SPAG16: variants seen among roughly 807,000 people sequenced by gnomAD.
SPAG16 encodes the protein sperm associated antigen 16, also known as sperm-associated antigen 16 protein.
Under a neutral mutation model 80.4 loss-of-function variants are expected in SPAG16, and 86 were observed. The observed-to-expected ratio is 1.07, with a 90% CI of 0.90 to 1.28. SPAG16 has a LOEUF of 1.28. Ranked by LOEUF, SPAG16 falls within the 50% of genes most tolerant of loss-of-function variation. SPAG16 has a pLI of 0.00. For synonymous variants in SPAG16, 294 were observed against 265.9 expected, an observed-to-expected ratio of 1.11 and a Z score of -1.03; for missense variants, 870 against 765.3, an observed-to-expected ratio of 1.14 and a Z score of -1.61.
Position 214,126,035 on chromosome 2 carries a change from CTTCCTTCCTTCCTTCCTTCCTTCCTT to C in SPAG16, c.1593+17777_1593+17802del, listed in dbSNP as rs1559822982. Among the ~76,000 whole-genome samples the C allele has an allele frequency of 8.8e-3, 97 of 11,030 alleles. 3 individuals are homozygous for C. The highest frequency in any genetic ancestry group is 0.03 in the African/African-American group (87 of 2,928). The allele number at this position is 11,030 out of a possible 152,430, so 7.2% of individuals were successfully genotyped here. ...CCTTCCTTCCTTCCTTCCTTCCTTCCTTCCTTCCTTCCTTCCTTCCTTCCTTTTTTTTTTTTTTTTTTTTTTTGGCG... is the reference window on the plus strand; with the variant it reads ...CCTTCCTTCCTTCCTTCCTTCCTTCCTTTTTTTTTTTTTTTTTTTTTGGCG... On this transcript the variant is annotated intron_variant, in intron 14 of 15. Transcript: ENST00000331683.
chr2:213,443,096 A>G (rs916783466), intron 9 of SPAG16, among the ~76,000 whole-genome samples: 3 of 152,198 alleles, frequency 2.0e-5, no homozygotes, highest in Non-Finnish European at 2.9e-5. Context: ...TATATTATGC[A>G]TAGTAAAATG....
At chr2:213,502,126 T>C (rs760422602) in intron 10 of SPAG16, among the ~76,000 whole-genome samples, 1 of 152,130 alleles carries the variant, frequency 6.6e-6, no homozygotes, top group Non-Finnish European at 1.5e-5. Context: ...ATCTTTGTTG[T>C]TGTTGCTGTT....
intron 10 of SPAG16, among the ~76,000 whole-genome samples, chr2:213,634,076 T>G (rs909539431): frequency 2.0e-5 from 3 of 152,062 alleles, no homozygotes; most frequent in Non-Finnish European, 4.4e-5. Flanking sequence ...TATTTGTTTT[T>G]GGGTTGTTTT....
chr2:213,373,969 G>T (rs1277451694), intron 8 of SPAG16, among the ~76,000 whole-genome samples: 1 of 152,186 alleles, frequency 6.6e-6, no homozygotes. Context: ...TCAACAAGCT[G>T]TAATTGTTGC....
chr2:213,776,413 C>G lies in SPAG16; in HGVS notation c.1071-86072C>G, dbSNP rs182975375. On this transcript the variant is annotated intron_variant, in intron 10 of 15. Transcript: ENST00000331683. ...GAAATGGATTCTCCACCAGAGCACT[C>G]AGAAAAACATGAAGCTCTTCTGGGT... 9.6e-4 allele frequency among the ~76,000 whole-genome samples: 146 copies of G among 152,256 alleles called. 1 individual carries two copies. The highest frequency in any genetic ancestry group is 3.4e-3 in the African/African-American group (140 of 41,556).
chr2:213,859,439 G>T (rs1418216641), intron 10 of SPAG16, among the ~76,000 whole-genome samples: 2 of 151,906 alleles, frequency 1.3e-5, no homozygotes, highest in Non-Finnish European at 2.9e-5. Context: ...TAACACTATT[G>T]TGTCTGGTGG....
intron 10 of SPAG16, among the ~76,000 whole-genome samples, chr2:213,492,205 C>T (rs2074267826): frequency 6.6e-6 from 1 of 152,118 alleles, no homozygotes; most frequent in Non-Finnish European, 1.5e-5. Flanking sequence ...TAATATAAAA[C>T]TCAATTTAAA....
At chr2:213,492,538 A>G (rs1470468568) in intron 10 of SPAG16, among the ~76,000 whole-genome samples, 4 of 151,996 alleles carry the variant, frequency 2.6e-5, no homozygotes, top group Non-Finnish European at 4.4e-5. Context: ...CGACAGAGCG[A>G]GACTCTGTCT....
rs187561135 is a variant in SPAG16, at chr2:213,668,949, G to A, written c.1070+178859G>A. 2.0e-5 allele frequency among the ~76,000 whole-genome samples: 3 copies of A among 152,192 alleles called. No individual in the cohort carries two copies. In the East Asian group the frequency reaches 5.8e-4, roughly 29 times the overall value. ...AGGCATGAGCCACTGCGCCCGGCCTGAGAAATATAATAGTATTTCTAAGAA... is the reference window on the plus strand; with the variant it reads ...AGGCATGAGCCACTGCGCCCGGCCTAAGAAATATAATAGTATTTCTAAGAA... On this transcript the variant is annotated intron_variant, in intron 10 of 15. Coordinates refer to ENST00000331683, the MANE Select transcript of SPAG16 (RefSeq NM_024532.5).
rs1184946360 is a variant in SPAG16 at position 213,387,676 on chromosome 2, G to A, written c.942+12557G>A. ...TCACCATTTTGGCCGGGATGGTCTC[G>A]ATCTCCTGACCTCGTGATCCGCCCG... On this transcript the variant is annotated intron_variant, in intron 9 of 15. Transcript: ENST00000331683. Among the ~76,000 whole-genome samples, 7 of 150,660 alleles carry A rather than the reference G, an allele frequency of 4.6e-5. No homozygotes were observed. The South Asian group carries it at 1.1e-3, about 23-fold the overall frequency.
At chr2:213,557,095 G>GT (rs1452206059) in intron 10 of SPAG16, among the ~76,000 whole-genome samples, 7 of 152,068 alleles carry the variant, frequency 4.6e-5, no homozygotes, top group East Asian at 3.9e-4. Flanking sequence ...TTATTTGTGG[G>GT]TTTTTTTCTC....
chr2:213,467,821 A>G (rs1027734519), intron 9 of SPAG16, among the ~76,000 whole-genome samples: 14 of 152,226 alleles, frequency 9.2e-5, no homozygotes, highest in African/African-American at 3.1e-4. Context: ...GACAGGGTCA[A>G]GGTGGCTTCC....
chr2:214,313,274 C>T lies in SPAG16; in HGVS notation c.1721-96866C>T, dbSNP rs181455037. On this transcript the variant is annotated intron_variant, in intron 15 of 15. Coordinates refer to ENST00000331683, the MANE Select transcript of SPAG16 (RefSeq NM_024532.5). ...ATACTAATTATTCCAACCAATACTA[C>T]TACTATCTACCAAACTATGTGCATT... 1.7e-3 allele frequency among the ~76,000 whole-genome samples: 257 copies of T among 152,244 alleles called. 2 individuals carry two copies. Among genetic ancestry groups the T allele is most frequent in the African/African-American group, 5.6e-3 (231 of 41,580 alleles).
intron 9 of SPAG16, among the ~76,000 whole-genome samples, chr2:213,394,720 C>T (rs1383054854): frequency 6.6e-6 from 1 of 152,092 alleles, no homozygotes; most frequent in African/African-American, 2.4e-5. Context: ...TTGACTGTTA[C>T]ACTTGGCATA....
intron 10 of SPAG16, among the ~76,000 whole-genome samples, chr2:213,659,059 A>G (rs1329806396): frequency 2.0e-5 from 3 of 152,126 alleles, no homozygotes; most frequent in African/African-American, 7.2e-5. Context: ...ACACAACACT[A>G]ATAGCCACTC....
rs10451584 is a variant in SPAG16, at chr2:214,383,969, C to T, written c.1721-26171C>T. 1.6e-3 allele frequency among the ~76,000 whole-genome samples: 250 copies of T among 152,290 alleles called. 1 individual carries two copies. The highest frequency in any genetic ancestry group is 5.3e-3 in the African/African-American group (220 of 41,554). ...ACAACTTTGCCCATCAGCCTGTTAT[C>T]ACTGACATATTACTTTTTTACTCCA... On this transcript the variant is annotated intron_variant, in intron 15 of 15. Transcript: ENST00000331683.
intron 10 of SPAG16, among the ~76,000 whole-genome samples, chr2:213,675,657 A>G (rs139815380): frequency 0.049 from 7,419 of 151,812 alleles, 585 homozygotes; most frequent in African/African-American, 0.17. Flanking sequence ...TTTCCCCAAT[A>G]CTTGTTTTTC....
intron 10 of SPAG16, among the ~76,000 whole-genome samples, chr2:213,590,040 A>G (rs1379909940): frequency 2.0e-5 from 3 of 152,264 alleles, no homozygotes; most frequent in South Asian, 4.1e-4. Flanking sequence ...AGTTTGCATA[A>G]TTATGACTGT....
chr2:214,372,735 G>A (rs1332879664), intron 15 of SPAG16, among the ~76,000 whole-genome samples: 1 of 152,102 alleles, frequency 6.6e-6, no homozygotes, highest in African/African-American at 2.4e-5. Flanking sequence ...ATGACTTCTT[G>A]ATAAAAGGAT....
Sources: allele counts gnomAD v4.1 joint callset (sites outside exome capture counted in the v4.1 genomes callset), GRCh38; gene constraint gnomAD v4.1.1; transcripts MANE v1.5; gene names NCBI Gene and HGNC (gene_info 2026-07-23, HGNC 2026-07-21).